XRCC4: variants seen among roughly 807,000 people sequenced by gnomAD.
XRCC4 encodes X-ray repair cross complementing 4, also known as DNA repair protein XRCC4.
XRCC4 carries 28 observed loss-of-function variants against 39.1 expected under a neutral mutation model. That is an observed-to-expected ratio of 0.72 (90% confidence interval 0.53 to 0.98). The LOEUF is 0.98. Among genes scored for constraint, XRCC4 ranks in the 50% least tolerant of loss-of-function variants. The pLI, the probability that XRCC4 is intolerant of heterozygous loss-of-function variation, is 0.00. For missense variants in XRCC4, 350 were observed against 376.4 expected (o/e 0.93, Z 0.58); for synonymous variants, 123 against 126.4 (o/e 0.97, Z 0.18).
chr5:83,273,219 T>A (rs1754203571), intron 7 of XRCC4, among the ~76,000 whole-genome samples: 1 of 152,266 alleles, frequency 6.6e-6, no homozygotes, highest in African/African-American at 2.4e-5. Context: ...TGCATAAATG[T>A]CTTCTTTTGA....
chr5:83,277,027 AATTT>A (rs1754359235), intron 7 of XRCC4, among the ~76,000 whole-genome samples: 1 of 152,020 alleles, frequency 6.6e-6, no homozygotes, highest in African/African-American at 2.4e-5. Flanking sequence ...AAGAGGACAT[AATTT>A]ATTTATTTAA....
chr5:83,121,553 C>A (rs1747009867), intron 3 of XRCC4, among the ~76,000 whole-genome samples: 1 of 152,052 alleles, frequency 6.6e-6, no homozygotes, highest in African/African-American at 2.4e-5. Context: ...TATATATCTT[C>A]TATAGTGACA....
intron 7 of XRCC4, among the ~76,000 whole-genome samples, chr5:83,272,053 C>T (rs564795601): frequency 6.6e-6 from 1 of 152,186 alleles, no homozygotes; most frequent in South Asian, 2.1e-4. Flanking sequence ...TGGTATTTTC[C>T]TAAGGATTTT....
Position 83,263,544 on chromosome 5 carries a change from G to C in XRCC4, c.893+4867G>C, listed in dbSNP as rs1322928733. 3.3e-5 allele frequency among the ~76,000 whole-genome samples: 5 copies of C among 151,302 alleles called. No individual in the cohort carries two copies. In the East Asian group the frequency reaches 7.8e-4, roughly 24 times the overall value. On this transcript the variant is annotated intron_variant, in intron 7 of 7. Coordinates refer to ENST00000396027, the MANE Select transcript of XRCC4 (RefSeq NM_003401.5). ...TTTTGAATGATTGCCATTCTAACTG[G>C]TGTGAGATGGTATCTCATTGTGGTT...
At chr5:83,362,442 A>C in the XRCC4 span, among the ~76,000 whole-genome samples, 4 of 152,148 alleles carry the variant, frequency 2.6e-5, no homozygotes, top group African/African-American at 9.7e-5. Flanking sequence ...TAGAATTTGG[A>C]ATTTCACAGT....
intron 1 of XRCC4, among the ~76,000 whole-genome samples, chr5:83,089,754 A>G (rs1745338766): frequency 6.6e-6 from 1 of 152,236 alleles, no homozygotes; most frequent in Non-Finnish European, 1.5e-5. Flanking sequence ...ACACTTCCCC[A>G]AAAGAATTAA....
intron 6 of XRCC4, among the ~76,000 whole-genome samples, chr5:83,216,963 A>G (rs1223334259): frequency 1.3e-5 from 2 of 152,012 alleles, no homozygotes; most frequent in Non-Finnish European, 2.9e-5. Flanking sequence ...TGGTGTATCA[A>G]TTGTTCATTA....
intron 5 of XRCC4, 85 bp downstream of exon 5, chr5:83,203,792 A>G: frequency 6.7e-7 from 1 of 1,495,426 alleles, no homozygotes; most frequent in Non-Finnish European, 9.1e-7. Context: ...TTAGATGCCA[A>G]CTTTTTGATC....
intron 7 of XRCC4, among the ~76,000 whole-genome samples, chr5:83,338,153 C>T (rs575569367): frequency 2.0e-4 from 31 of 152,120 alleles, no homozygotes; most frequent in Non-Finnish European, 3.4e-4. Flanking sequence ...AGAAGTTGTA[C>T]AATAATTTTT....
chr5:83,233,012 T>C (rs1372220409), intron 6 of XRCC4, among the ~76,000 whole-genome samples: 1 of 152,184 alleles, frequency 6.6e-6, no homozygotes, highest in Non-Finnish European at 1.5e-5. Flanking sequence ...TTATTTGTGC[T>C]CTTTTACCTT....
intron 3 of XRCC4, among the ~76,000 whole-genome samples, chr5:83,157,228 A>T (rs1749005391): frequency 6.6e-6 from 1 of 152,114 alleles, no homozygotes. Flanking sequence ...AGATATTGAC[A>T]GTCAGGGAGG....
chr5:83,247,216 A>G (rs11953733), intron 6 of XRCC4, among the ~76,000 whole-genome samples: 2,446 of 152,280 alleles, frequency 0.016, 64 homozygotes, highest in African/African-American at 0.055. Flanking sequence ...ATTGACAAGG[A>G]AATCATAAAC....
chr5:83,154,360 G>T (rs1382312423), intron 3 of XRCC4, among the ~76,000 whole-genome samples: 1 of 152,118 alleles, frequency 6.6e-6, no homozygotes, highest in Non-Finnish European at 1.5e-5. Context: ...CTTACATTTT[G>T]AGTACCAACA....
intron 7 of XRCC4, among the ~76,000 whole-genome samples, chr5:83,308,903 G>A (rs1409475289): frequency 2.6e-5 from 4 of 151,518 alleles, no homozygotes; most frequent in South Asian, 2.1e-4. Context: ...TTTTATACTC[G>A]TGTAGGAATT....
intron 3 of XRCC4, among the ~76,000 whole-genome samples, chr5:83,165,177 A>G (rs1464931184): frequency 6.6e-6 from 1 of 152,026 alleles, no homozygotes; most frequent in Non-Finnish European, 1.5e-5. Flanking sequence ...GTCATAATGA[A>G]ATAATTCCCC....
At chr5:83,328,969 A>AT (rs1234484257) in intron 7 of XRCC4, among the ~76,000 whole-genome samples, 1 of 152,020 alleles carries the variant, frequency 6.6e-6, no homozygotes, top group Non-Finnish European at 1.5e-5. Flanking sequence ...GTAGGGTCTC[A>AT]TTATGTTGCC....
intron 3 of XRCC4, among the ~76,000 whole-genome samples, chr5:83,188,335 T>C (rs1050234948): frequency 2.0e-5 from 3 of 152,102 alleles, no homozygotes; most frequent in Non-Finnish European, 1.5e-5. Flanking sequence ...TGATGGTTAA[T>C]TTTATATGTC....
At chr5:83,256,731 C>T (rs971025506) in intron 6 of XRCC4, among the ~76,000 whole-genome samples, 2 of 151,798 alleles carry the variant, frequency 1.3e-5, no homozygotes, top group Non-Finnish European at 2.9e-5. Context: ...ATTTAAACAG[C>T]TTTGGAAAGT....
At chr5:83,114,527 T>C (rs1285239307) in intron 3 of XRCC4, among the ~76,000 whole-genome samples, 2 of 152,200 alleles carry the variant, frequency 1.3e-5, no homozygotes, top group African/African-American at 4.8e-5. Context: ...GAGTGACCTT[T>C]AGTTCCCAAC....
Sources: gnomAD v4.1 joint callset for allele counts (sites outside exome capture counted in the v4.1 genomes callset) on GRCh38, gnomAD v4.1.1 for gene constraint, MANE v1.5 for transcripts, NCBI Gene and HGNC (gene_info 2026-07-23, HGNC 2026-07-21) for gene names.